The following MAD1L1 variants were observed in gnomAD, a reference collection of about 807,000 sequenced individuals.
MAD1L1 encodes mitotic arrest deficient 1 like 1.
Under a neutral mutation model 96.9 loss-of-function variants are expected in MAD1L1, and 95 were observed. The ratio of observed to expected loss-of-function variants is 0.98; its 90% CI spans 0.83 to 1.16. The LOEUF (loss-of-function observed/expected upper bound fraction) is 1.16, where lower values mean the gene tolerates loss of function less well. Ranked by LOEUF, MAD1L1 falls within the 50% of genes most tolerant of loss-of-function variation. The pLI, the probability that MAD1L1 is intolerant of heterozygous loss-of-function variation, is 0.00. For synonymous variants in MAD1L1, 473 were observed against 396.6 expected (o/e 1.19, Z -2.29); for missense variants, 1,007 against 954.4 (o/e 1.06, Z -0.73).
Position 2,002,268 on chromosome 7 carries a change from G to A in MAD1L1, c.1360-147C>T, listed in dbSNP as rs931003144. 5 of 753,134 alleles carry A rather than the reference G, an allele frequency of 6.6e-6. No homozygotes were observed. The Admixed American group carries it at 1.1e-4, about 16-fold the overall frequency. The allele number at this position is 753,134 out of a possible 1,614,324, so 46.7% of individuals were successfully genotyped here. ...GGAGCTGGGAAGTGGGCAGCCAGAG[G>A]GTGGGCAGGGGCCAGTGTGGCTGCC... On this transcript the variant is annotated intron_variant, in intron 13 of 18. Coordinates refer to ENST00000265854, the MANE Select transcript of MAD1L1 (RefSeq NM_001013836.2).
At chr7:2,133,504 T>G (rs958819931) in intron 11 of MAD1L1, among the ~76,000 whole-genome samples, 5 of 152,232 alleles carry the variant, frequency 3.3e-5, no homozygotes, top group African/African-American at 1.2e-4. Context: ...ATTTGGGGCT[T>G]CTCCTTTTAT....
At chr7:2,045,108 C>T (rs115532036) in intron 12 of MAD1L1, among the ~76,000 whole-genome samples, 88 of 152,306 alleles carry the variant, frequency 5.8e-4, no homozygotes, top group African/African-American at 2.1e-3. Flanking sequence ...AGCAAGGGAG[C>T]TGCTGCCACC....
chr7:1,914,627 T>C (rs571198431), intron 17 of MAD1L1, among the ~76,000 whole-genome samples: 1 of 152,250 alleles, frequency 6.6e-6, no homozygotes, highest in Admixed American at 6.5e-5. Context: ...TTGGTTTGTT[T>C]TTTTGAGACG....
intron 14 of MAD1L1, among the ~76,000 whole-genome samples, chr7:1,999,871 C>T (rs944617725): frequency 2.0e-5 from 3 of 152,174 alleles, no homozygotes; most frequent in Non-Finnish European, 2.9e-5. Flanking sequence ...GTCTGACTGT[C>T]CCCTGAAAAC....
intron 10 of MAD1L1, among the ~76,000 whole-genome samples, chr7:2,208,652 C>A (rs1417896399): frequency 2.6e-5 from 4 of 152,190 alleles, no homozygotes; most frequent in Non-Finnish European, 2.9e-5. Context: ...AGATGGCCTG[C>A]ACCCCCTTTC....
chr7:1,992,627 A>G (rs1781401328), intron 14 of MAD1L1, among the ~76,000 whole-genome samples: 1 of 152,158 alleles, frequency 6.6e-6, no homozygotes, highest in African/African-American at 2.4e-5. Context: ...AGGACATCTG[A>G]GGCCACCTCC....
chr7:2,152,709 G>C (rs991779446), intron 10 of MAD1L1, among the ~76,000 whole-genome samples: 5 of 152,158 alleles, frequency 3.3e-5, no homozygotes, highest in African/African-American at 1.2e-4. Context: ...GCTTCCTAAG[G>C]CTCACTTCCA....
chr7:1,936,535 C>A, intron 17 of MAD1L1, 152 bp downstream of exon 17: 1 of 788,762 alleles, frequency 1.3e-6, no homozygotes, highest in East Asian at 2.7e-5. Flanking sequence ...GGGTGCTCTG[C>A]CCCAGCAACC....
intron 17 of MAD1L1, among the ~76,000 whole-genome samples, chr7:1,902,165 C>T (rs937991197): frequency 1.3e-5 from 2 of 152,156 alleles, no homozygotes; most frequent in African/African-American, 4.8e-5. Flanking sequence ...CCACCTTAGC[C>T]CCACACCTGC....
chr7:1,949,177 A>T (rs1779372919), intron 16 of MAD1L1, among the ~76,000 whole-genome samples: 1 of 152,110 alleles, frequency 6.6e-6, no homozygotes, highest in Admixed American at 6.5e-5. Flanking sequence ...TGCGGTCCAG[A>T]GTGTGTGCAC....
intron 15 of MAD1L1, among the ~76,000 whole-genome samples, chr7:1,977,685 C>G (rs550319849): frequency 1.3e-5 from 2 of 152,360 alleles, no homozygotes; most frequent in East Asian, 3.9e-4. Flanking sequence ...GAATAAACCC[C>G]AAGCATGCCA....
intron 11 of MAD1L1, among the ~76,000 whole-genome samples, chr7:2,147,310 C>T (rs1421861963): frequency 6.6e-6 from 1 of 152,234 alleles, no homozygotes; most frequent in Non-Finnish European, 1.5e-5. Flanking sequence ...AGGCCTCCTG[C>T]GCCTCTCCAC....
At chr7:2,123,164 G>A (rs1167198847) in intron 11 of MAD1L1, among the ~76,000 whole-genome samples, 1 of 152,092 alleles carries the variant, frequency 6.6e-6, no homozygotes, top group East Asian at 1.9e-4. Flanking sequence ...TTAGCCAGGC[G>A]TGGTGGTGGG....
At chr7:2,178,951 G>T (rs1232350208) in intron 10 of MAD1L1, among the ~76,000 whole-genome samples, 1 of 151,622 alleles carries the variant, frequency 6.6e-6, no homozygotes, top group Non-Finnish European at 1.5e-5. Context: ...TGATGAATTG[G>T]ATTTCATCAA....
At chr7:2,144,718 G>T (rs962158651) in intron 11 of MAD1L1, among the ~76,000 whole-genome samples, 6 of 152,026 alleles carry the variant, frequency 3.9e-5, no homozygotes, top group African/African-American at 1.4e-4. Context: ...GCCCCGGGGT[G>T]CCCTGTGTGA....
intron 18 of MAD1L1, among the ~76,000 whole-genome samples, chr7:1,839,259 G>A (rs1174336702): frequency 6.6e-6 from 1 of 152,128 alleles, no homozygotes; most frequent in African/African-American, 2.4e-5. Flanking sequence ...TCGAGGTGGT[G>A]GTCACCGTCT....
intron 11 of MAD1L1, among the ~76,000 whole-genome samples, chr7:2,091,967 G>C (rs893012685): frequency 6.6e-6 from 1 of 152,170 alleles, no homozygotes; most frequent in Admixed American, 6.5e-5. Flanking sequence ...TCAGGTCTCT[G>C]TGTGGACACA....
At position 1,969,037 on chromosome 7, in the gene MAD1L1, C is replaced by T. The variant is rs925357889; in HGVS notation, c.1506-11318G>A. On this transcript the variant is annotated intron_variant, in intron 15 of 18. Coordinates refer to ENST00000265854, the MANE Select transcript of MAD1L1 (RefSeq NM_001013836.2). ...GTATGAGAACTCTCCGTCCAATTTC[C>T]GCAACTTGCCTATTGAATCTGGTAA... is the stretch of plus-strand genomic sequence containing the variant. 9.2e-5 allele frequency among the ~76,000 whole-genome samples: 14 copies of T among 152,290 alleles called. No individual in the cohort carries two copies. In the South Asian group the frequency reaches 1.2e-3, roughly 14 times the overall value.
intron 6 of MAD1L1, 62 bp from the exon 7 acceptor site, chr7:2,218,105 T>C: frequency 7.7e-7 from 1 of 1,301,168 alleles, no homozygotes; most frequent in Non-Finnish European, 1.1e-6. Flanking sequence ...ACAATTCTCC[T>C]CAGCCTGAGA....
Sources: gnomAD v4.1 joint callset for allele counts (sites outside exome capture counted in the v4.1 genomes callset) on GRCh38, gnomAD v4.1.1 for gene constraint, MANE v1.5 for transcripts, NCBI Gene and HGNC (gene_info 2026-07-23, HGNC 2026-07-21) for gene names.